Variants in SEMA3A observed in about 807,000 individuals in gnomAD.
SEMA3A encodes semaphorin 3A, also known as semaphorin-3A.
In SEMA3A, 29 loss-of-function variants were observed where a neutral mutation model predicts 97.9. That is an observed-to-expected ratio of 0.30 (90% CI 0.22 to 0.40). The LOEUF (loss-of-function observed/expected upper bound fraction) is 0.40, where lower values mean the gene tolerates loss of function less well. Among genes scored for constraint, SEMA3A ranks in the 10% least tolerant of loss-of-function variants. SEMA3A has a pLI of 1.00. For synonymous variants in SEMA3A, 321 were observed against 323.7 expected, an observed-to-expected ratio of 0.99 and a Z score of 0.09; for missense variants, 763 against 951.3, an observed-to-expected ratio of 0.80 and a Z score of 2.60.
intron 2 of SEMA3A, among the ~76,000 whole-genome samples, chr7:84,313,469 C>T (rs918725688): frequency 3.4e-5 from 5 of 146,278 alleles, no homozygotes; most frequent in Admixed American, 6.9e-5. Flanking sequence ...TTGATACAAT[C>T]ACTATTTTGG....
intron 4 of SEMA3A, among the ~76,000 whole-genome samples, chr7:84,067,591 C>A (rs1435664921): frequency 1.3e-5 from 2 of 152,118 alleles, no homozygotes; most frequent in East Asian, 3.9e-4. Context: ...AAACAAACAA[C>A]CCCATCAAAA....
intron 1 of SEMA3A, among the ~76,000 whole-genome samples, chr7:84,403,110 C>T (rs981899002): frequency 9.9e-5 from 15 of 152,030 alleles, no homozygotes; most frequent in African/African-American, 1.7e-4. Flanking sequence ...TCGCCTCACC[C>T]GGGAAGCATG....
At chr7:84,150,817 C>A (rs1303985331) in intron 1 of SEMA3A, among the ~76,000 whole-genome samples, 1 of 151,992 alleles carries the variant, frequency 6.6e-6, no homozygotes, top group Non-Finnish European at 1.5e-5. Flanking sequence ...ACAGCAGTAA[C>A]CTCTGCAGAC....
intron 2 of SEMA3A, among the ~76,000 whole-genome samples, chr7:84,323,845 C>A (rs962033974): frequency 6.6e-6 from 1 of 151,792 alleles, no homozygotes; most frequent in African/African-American, 2.4e-5. Flanking sequence ...CAGTAATATC[C>A]CATGAATTTT....
chr7:84,323,505 T>C (rs1256098589), intron 2 of SEMA3A, among the ~76,000 whole-genome samples: 2 of 152,104 alleles, frequency 1.3e-5, no homozygotes, highest in African/African-American at 4.8e-5. Context: ...TCATGTCATT[T>C]CCTGAGTGGA....
chr7:84,171,957 A>T (rs6950387), intron 1 of SEMA3A, among the ~76,000 whole-genome samples: 4,856 of 152,278 alleles, frequency 0.032, 226 homozygotes, highest in African/African-American at 0.096. Flanking sequence ...TTAACTTATA[A>T]GTTCAAGTGG....
chr7:84,236,173 G>C (rs1466212623), intron 3 of SEMA3A, among the ~76,000 whole-genome samples: 1 of 151,928 alleles, frequency 6.6e-6, no homozygotes, highest in East Asian at 1.9e-4. Flanking sequence ...ACTCTCCTTT[G>C]CTTGGGTTAA....
chr7:84,065,715 A>T (rs1477740376), intron 4 of SEMA3A, among the ~76,000 whole-genome samples: 1 of 152,170 alleles, frequency 6.6e-6, no homozygotes, highest in African/African-American at 2.4e-5. Flanking sequence ...CCAAGACTAA[A>T]CCAGGAAGAA....
chr7:84,070,663 T>A (rs1793707516), intron 4 of SEMA3A, among the ~76,000 whole-genome samples: 1 of 152,024 alleles, frequency 6.6e-6, no homozygotes, highest in Non-Finnish European at 1.5e-5. Context: ...CAAATGGCAT[T>A]TTCTGCCTTT....
At chr7:84,418,464 G>T (rs988605647) in intron 1 of SEMA3A, among the ~76,000 whole-genome samples, 6 of 152,196 alleles carry the variant, frequency 3.9e-5, no homozygotes, top group African/African-American at 1.4e-4. Flanking sequence ...AATTATGGGA[G>T]CTACAATTCA....
intron 2 of SEMA3A, among the ~76,000 whole-genome samples, chr7:84,324,708 A>G (rs1318753460): frequency 1.3e-5 from 2 of 152,290 alleles, no homozygotes; most frequent in Middle Eastern, 3.4e-3. Flanking sequence ...TATGAAGCAC[A>G]TGGTCTTAAA....
intron 15 of SEMA3A, among the ~76,000 whole-genome samples, chr7:83,968,137 C>T (rs1208955632): frequency 1.3e-5 from 2 of 152,038 alleles, no homozygotes; most frequent in East Asian, 3.9e-4. Context: ...AACAAAAACT[C>T]AACTAAGGAA....
chr7:84,308,874 A>G (rs1456601692), intron 2 of SEMA3A, among the ~76,000 whole-genome samples: 3 of 149,842 alleles, frequency 2.0e-5, no homozygotes, highest in Non-Finnish European at 3.0e-5. Context: ...CTGGAGTGCA[A>G]TGGCGCCGTC....
At chr7:84,002,338 A>C (rs1790493044) in intron 11 of SEMA3A, among the ~76,000 whole-genome samples, 1 of 152,168 alleles carries the variant, frequency 6.6e-6, no homozygotes, top group South Asian at 2.1e-4. Context: ...CATTTTTTAA[A>C]ATATAATAAT....
At chr7:84,025,092 GAATA>G (rs982609640) in intron 6 of SEMA3A, among the ~76,000 whole-genome samples, 15 of 151,902 alleles carry the variant, frequency 9.9e-5, no homozygotes, top group African/African-American at 1.7e-4. Flanking sequence ...GTCTTTAAAT[GAATA>G]AATAAATAAA....
intron 15 of SEMA3A, among the ~76,000 whole-genome samples, chr7:83,976,646 A>G (rs1251581168): frequency 6.6e-6 from 1 of 151,964 alleles, no homozygotes; most frequent in Non-Finnish European, 1.5e-5. Flanking sequence ...ATACCCTACT[A>G]GTAATTCAGT....
At position 84,133,720 on chromosome 7, in the gene SEMA3A, T is replaced by G. The variant is rs1796031074; in HGVS notation, c.270+1074A>C. On this transcript the variant is annotated intron_variant, in intron 2 of 16. Coordinates refer to ENST00000265362, the MANE Select transcript of SEMA3A (RefSeq NM_006080.3). ...ATAGACTTAGTAGCACAATTTTCAC[T>G]AATTTGTCAATCTATGTTTATATCT... Among the ~76,000 whole-genome samples, 3 of 151,928 alleles carry G rather than the reference T, an allele frequency of 2.0e-5. No homozygotes were observed. The South Asian group carries it at 6.2e-4, about 32-fold the overall frequency.
intron 4 of SEMA3A, among the ~76,000 whole-genome samples, chr7:84,063,866 C>A (rs1442643131): frequency 6.7e-6 from 1 of 150,018 alleles, no homozygotes; most frequent in Non-Finnish European, 1.5e-5. Flanking sequence ...TCCAGGAGAA[C>A]TTCCCCAATC....
chr7:84,133,306 A>G (rs1796020573), intron 2 of SEMA3A, among the ~76,000 whole-genome samples: 1 of 152,176 alleles, frequency 6.6e-6, no homozygotes, highest in Non-Finnish European at 1.5e-5. Context: ...TTGTGGTCAG[A>G]TTTTTAGTGT....
Sources: allele counts gnomAD v4.1 joint callset (sites outside exome capture counted in the v4.1 genomes callset), GRCh38; gene constraint gnomAD v4.1.1; transcripts MANE v1.5; gene names NCBI Gene and HGNC (gene_info 2026-07-23, HGNC 2026-07-21).